SMOC2: variants seen among roughly 807,000 people sequenced by gnomAD.
SMOC2 encodes the protein SPARC-related modular calcium-binding protein 2.
In SMOC2, 39 loss-of-function variants were observed where a neutral mutation model predicts 61.4. The ratio of observed to expected loss-of-function variants is 0.64; its 90% CI spans 0.49 to 0.83. The LOEUF is 0.83. SMOC2 is among the 40% of genes least tolerant of loss of function. SMOC2 has a pLI of 0.00. For synonymous variants in SMOC2, 247 were observed against 239.9 expected, an observed-to-expected ratio of 1.03 and a Z score of -0.27; for missense variants, 556 against 592.9, an observed-to-expected ratio of 0.94 and a Z score of 0.65.
chr6:168,464,686 C>A (rs1016956187), intron 1 of SMOC2, among the ~76,000 whole-genome samples: 1 of 152,086 alleles, frequency 6.6e-6, no homozygotes, highest in South Asian at 2.1e-4. Context: ...TGTGCCACAG[C>A]CTTTTAAACA....
chr6:168,656,166 G>C (rs1257039738), intron 11 of SMOC2, among the ~76,000 whole-genome samples: 1 of 152,166 alleles, frequency 6.6e-6, no homozygotes, highest in Non-Finnish European at 1.5e-5. Context: ...AAATGTGGAA[G>C]AGAAAACAAG....
intron 1 of SMOC2, among the ~76,000 whole-genome samples, chr6:168,444,835 C>T (rs1781295889): frequency 6.6e-6 from 1 of 152,140 alleles, no homozygotes; most frequent in African/African-American, 2.4e-5. Context: ...TGGACTGATC[C>T]ATAAGCCCAT....
chr6:168,641,220 G>T (rs913867095), intron 9 of SMOC2, among the ~76,000 whole-genome samples: 25 of 152,204 alleles, frequency 1.6e-4, no homozygotes, highest in Admixed American at 1.4e-3. Context: ...ACATGAGTGT[G>T]CCCTGAAATG....
chr6:168,467,136 A>AACACACACGCACACACACAC (rs1781854171), intron 1 of SMOC2, among the ~76,000 whole-genome samples: 2 of 133,430 alleles, frequency 1.5e-5, no homozygotes, highest in Admixed American at 1.5e-4. Context: ...AGTGCTCTCA[A>AACACACACGCACACACACAC]ACACACACAC....
At chr6:168,624,344 A>C (rs543034720) in intron 9 of SMOC2, among the ~76,000 whole-genome samples, 4 of 152,356 alleles carry the variant, frequency 2.6e-5, no homozygotes, top group African/African-American at 7.2e-5. Flanking sequence ...GCATGTGAAC[A>C]CGCACATATG....
rs546034156 is a variant in SMOC2 at position 168,571,081 on chromosome 6, CAA to C, written c.637+21879_637+21880del. ...GTGGCGCATGGCCTGACCTTCGTAA[CAA>C]TGCATTTTTGTTGTTAACCCCCGAG... On this transcript the variant is annotated intron_variant, in intron 7 of 12. Coordinates refer to ENST00000356284, the MANE Select transcript of SMOC2 (RefSeq NM_001166412.2). Among the ~76,000 whole-genome samples the C allele has an allele frequency of 1.7e-4, 26 of 152,254 alleles. 1 individual carries two copies. The South Asian group carries it at 5.2e-3, about 30-fold the overall frequency.
In SMOC2 at chr6:168,600,412, AAAAAAAAAACAAAAAAAAAAAC is replaced by A. The variant is rs1396388131; in HGVS notation, c.824+1418_824+1439del. On this transcript the variant is annotated intron_variant, in intron 8 of 12. Coordinates refer to ENST00000356284, the MANE Select transcript of SMOC2 (RefSeq NM_001166412.2). Reference sequence around the variant, plus strand: ...ACAAGAGCGAAACTCTGCCTCAAAAAAAAAAAAAACAAAAAAAAAAACAAAAAAAAAAACAGTAGTTTCAACT... The same window carrying A: ...ACAAGAGCGAAACTCTGCCTCAAAAAAAAAAAAAAAACAGTAGTTTCAACT... 3.0e-3 allele frequency among the ~76,000 whole-genome samples: 79 copies of A among 26,564 alleles called. 4 individuals are homozygous for A. Among genetic ancestry groups the A allele is most frequent in the African/African-American group, 8.8e-3 (75 of 8,566 alleles). The allele number at this position is 26,564 out of a possible 152,430, so 17.4% of individuals were successfully genotyped here. A position where few individuals can be genotyped will look rare whatever the true frequency, so the allele number is the denominator to read the frequency against.
At chr6:168,474,272 A>G (rs1029517708) in intron 1 of SMOC2, among the ~76,000 whole-genome samples, 6 of 152,018 alleles carry the variant, frequency 3.9e-5, no homozygotes, top group Admixed American at 3.3e-4. Flanking sequence ...ACCTGTGCAT[A>G]AGGGGGAGGG....
At chr6:168,526,608 G>A (rs1258335879) in intron 3 of SMOC2, among the ~76,000 whole-genome samples, 156 bp downstream of exon 3, 2 of 152,142 alleles carry the variant, frequency 1.3e-5, no homozygotes, top group African/African-American at 4.8e-5. Flanking sequence ...AAGTTAATTC[G>A]TAATGAGCCT....
chr6:168,610,094 A>AGAAACATGATGTCATTGT (rs1190289746), intron 9 of SMOC2, among the ~76,000 whole-genome samples: 2 of 152,208 alleles, frequency 1.3e-5, no homozygotes, highest in Non-Finnish European at 2.9e-5. Context: ...CTTGATATTG[A>AGAAACATGATGTCATTGT]GAAACATGAT....
chr6:168,584,776 T>TAG (rs113756415), intron 7 of SMOC2, among the ~76,000 whole-genome samples: 1,659 of 152,260 alleles, frequency 0.011, 27 homozygotes, highest in African/African-American at 0.037. Flanking sequence ...AGCATCGATG[T>TAG]AGAGTGAGAT....
chr6:168,471,376 A>G (rs1400289026), intron 1 of SMOC2, among the ~76,000 whole-genome samples: 1 of 152,072 alleles, frequency 6.6e-6, no homozygotes. Flanking sequence ...CACCTGGCAT[A>G]ATGGCCTCAA....
intron 1 of SMOC2, among the ~76,000 whole-genome samples, chr6:168,491,448 T>C (rs1356677038): frequency 6.6e-6 from 1 of 152,180 alleles, no homozygotes; most frequent in Non-Finnish European, 1.5e-5. Context: ...TTCTGGCGGC[T>C]GGAAGGTGAA....
rs1276325626 is a variant in SMOC2 at position 168,599,431 on chromosome 6, ACACT to A, written c.824+431_824+434del. On this transcript the variant is annotated intron_variant, in intron 8 of 12. Transcript: ENST00000356284. Reference sequence around the variant, plus strand: ...ACACACATTCATACCCCCCACACCCACACTCACACACACATTCGTACCCCCACAC... The same window carrying A: ...ACACACATTCATACCCCCCACACCCACACACACACATTCGTACCCCCACAC... Among the ~76,000 whole-genome samples the A allele has an allele frequency of 1.5e-3, 145 of 99,290 alleles. 1 individual carries two copies. The highest frequency in any genetic ancestry group is 8.5e-3 in the South Asian group (22 of 2,592). The allele number at this position is 99,290 out of a possible 152,430, so 65.1% of individuals were successfully genotyped here.
rs756572710 is a variant in SMOC2, at chr6:168,509,992, A to G, written c.162A>G (p.Ala54=). The change falls in exon 2 of 13, where the codon GCA becomes GCG. Residue 54 remains alanine, a synonymous_variant. Coordinates refer to ENST00000356284, the MANE Select transcript of SMOC2 (RefSeq NM_001166412.2). ...GTTCGCCCCAGAAACCTCTCTGCGC[A>G]TCTGACGGAAGGACCTTCCTTTCCC... The part of the protein sequence containing the change: ...CAGSPQKPLC[A]SDGRTFLSRC... The G allele has an allele frequency of 6.2e-7, 1 of 1,614,200 alleles. No individual in the cohort carries two copies. Among genetic ancestry groups the G allele is most frequent in the East Asian group, 2.2e-5 (1 of 44,878 alleles).
intron 1 of SMOC2, among the ~76,000 whole-genome samples, chr6:168,498,030 C>T (rs1476757088): frequency 1.3e-5 from 2 of 152,048 alleles, no homozygotes; most frequent in Non-Finnish European, 2.9e-5. Flanking sequence ...ACAGGGGAGC[C>T]GTTTCTCTTC....
In SMOC2 at chr6:168,618,457, G is replaced by A. The variant is rs1424596392; in HGVS notation, c.907+10218G>A. Among the ~76,000 whole-genome samples, 4 of 150,908 alleles carry A rather than the reference G, an allele frequency of 2.7e-5. 1 individual carries two copies. ...GAGGAGAGGCGGGTAGTGGCATTAG[G>A]AGAGTGGAGGAGAGGCGGGTAGTGG... On this transcript the variant is annotated intron_variant, in intron 9 of 12. Transcript: ENST00000356284.
chr6:168,455,885 G>C (rs1482184656), intron 1 of SMOC2, among the ~76,000 whole-genome samples: 1 of 152,238 alleles, frequency 6.6e-6, no homozygotes, highest in Admixed American at 6.5e-5. Context: ...AACAGCATTA[G>C]AGGACTAGGG....
chr6:168,459,917 G>A (rs1583032068), intron 1 of SMOC2, among the ~76,000 whole-genome samples: 1 of 152,084 alleles, frequency 6.6e-6, no homozygotes, highest in Non-Finnish European at 1.5e-5. Flanking sequence ...TGTGGTTGAC[G>A]CTGGCCCGAT....
Sources: gnomAD v4.1 joint callset for allele counts (sites outside exome capture counted in the v4.1 genomes callset) on GRCh38, gnomAD v4.1.1 for gene constraint, MANE v1.5 for transcripts, NCBI Gene and HGNC (gene_info 2026-07-23, HGNC 2026-07-21) for gene names.